LTBP1: variants seen among roughly 807,000 people sequenced by gnomAD.
The protein encoded by LTBP1 is latent transforming growth factor beta binding protein 1, also known as latent-transforming growth factor beta-binding protein 1.
A neutral mutation model predicts 207.6 loss-of-function variants in LTBP1; 129 were observed. The observed-to-expected ratio is 0.62, with a 90% confidence interval of 0.54 to 0.72. The LOEUF is 0.72. LTBP1 is among the 30% of genes least tolerant of loss of function. The probability of loss-of-function intolerance (pLI) is 0.00; values close to 1 mark genes in which losing one functional copy is unlikely to be tolerated. For missense variants in LTBP1, 2,281 were observed against 2,217.2 expected, an observed-to-expected ratio of 1.03 and a Z score of -0.58; for synonymous variants, 963 against 833.7, an observed-to-expected ratio of 1.16 and a Z score of -2.67.
Position 33,103,633 on chromosome 2 carries a change from T to TGTGTGTGTGTGTG in LTBP1, c.864-6949_864-6948insGTGTGTGTGTGTG, listed in dbSNP as rs780868356. 2.9e-3 allele frequency among the ~76,000 whole-genome samples: 354 copies of TGTGTGTGTGTGTG among 123,012 alleles called. 3 individuals are homozygous for TGTGTGTGTGTGTG. The highest frequency in any genetic ancestry group is 3.5e-3 in the Non-Finnish European group (188 of 54,346). The allele number at this position is 123,012 out of a possible 152,430, so 80.7% of individuals were successfully genotyped here. A position where few individuals can be genotyped will look rare whatever the true frequency, so the allele number is the denominator to read the frequency against. On this transcript the variant is annotated intron_variant, in intron 3 of 33. Coordinates refer to ENST00000404816, the MANE Select transcript of LTBP1 (RefSeq NM_206943.4). ...TGTGTGTGTGTGTGTGTGTGAGTGTTATGCTGCCATGTGGCATCTTCCTAA... is the reference window on the plus strand; with the variant it reads ...TGTGTGTGTGTGTGTGTGTGAGTGTTGTGTGTGTGTGTGATGCTGCCATGTGGCATCTTCCTAA...
chr2:33,167,399 C>G (rs2085018378), intron 5 of LTBP1, among the ~76,000 whole-genome samples: 1 of 151,282 alleles, frequency 6.6e-6, no homozygotes, highest in Non-Finnish European at 1.5e-5. Flanking sequence ...TAGGTACCGA[C>G]CATGTATTAA....
At chr2:33,346,677 G>A (rs1256719746) in intron 25 of LTBP1, among the ~76,000 whole-genome samples, 1 of 147,292 alleles carries the variant, frequency 6.8e-6, no homozygotes, top group African/African-American at 2.5e-5. Context: ...AGAATGAGAC[G>A]CCGTCTCAAA....
chr2:32,970,212 G>A (rs1026321905), intron 2 of LTBP1, among the ~76,000 whole-genome samples: 1 of 152,174 alleles, frequency 6.6e-6, no homozygotes, highest in Admixed American at 6.5e-5. Flanking sequence ...CATTCTGTGA[G>A]TTGTCTGTTT....
chr2:33,088,563 CTGTT>C (rs1207040521), intron 3 of LTBP1, among the ~76,000 whole-genome samples: 1 of 152,152 alleles, frequency 6.6e-6, no homozygotes, highest in Non-Finnish European at 1.5e-5. Context: ...GTGTTCCGCT[CTGTT>C]TGGAAATGTA....
At chr2:33,141,871 A>C (rs551205295) in intron 5 of LTBP1, among the ~76,000 whole-genome samples, 16 of 152,260 alleles carry the variant, frequency 1.1e-4, no homozygotes, top group African/African-American at 3.9e-4. Flanking sequence ...TGTATCAGGG[A>C]ATCAAATTAA....
At chr2:33,202,022 A>AACACACACACAGACACACAC (rs1315145413) in intron 7 of LTBP1, among the ~76,000 whole-genome samples, 1,593 of 140,618 alleles carry the variant, frequency 0.011, 57 homozygotes, top group African/African-American at 0.041. Context: ...TTAGCACTGG[A>AACACACACACAGACACACAC]ACACACACAC....
At chr2:33,392,877 CT>C (rs879653997) in intron 32 of LTBP1, among the ~76,000 whole-genome samples, 2,518 of 141,868 alleles carry the variant, frequency 0.018, 33 homozygotes, top group African/African-American at 0.038. Context: ...TGTGGTGTCA[CT>C]TTTTTTTTTT....
intron 4 of LTBP1, among the ~76,000 whole-genome samples, chr2:33,131,725 A>G (rs1184846892): frequency 1.3e-5 from 2 of 152,254 alleles, no homozygotes; most frequent in Non-Finnish European, 2.9e-5. Flanking sequence ...TTATTTTTAT[A>G]TGAAATAAAA....
chr2:33,321,207 C>CT (rs1473063142), intron 24 of LTBP1, among the ~76,000 whole-genome samples: 2 of 152,156 alleles, frequency 1.3e-5, no homozygotes, highest in African/African-American at 4.8e-5. Context: ...AGCCTGAACT[C>CT]TGACTCCCAC....
rs530230073 is a variant in LTBP1 at position 33,138,588 on chromosome 2, A to T, written c.1201+3628A>T. ...TTAACATTTTATAGGGCTAAAATGC[A>T]GATGACCTTCTGGGATTTTTAAATT... On this transcript the variant is annotated intron_variant, in intron 5 of 33. Transcript: ENST00000404816. 2.6e-5 allele frequency among the ~76,000 whole-genome samples: 4 copies of T among 152,300 alleles called. No homozygotes were observed. The South Asian group carries it at 8.3e-4, about 32-fold the overall frequency.
chr2:32,952,758 C>G (rs1677365524), intron 2 of LTBP1, among the ~76,000 whole-genome samples: 1 of 152,062 alleles, frequency 6.6e-6, no homozygotes, highest in Non-Finnish European at 1.5e-5. Context: ...TGCCGGTAGG[C>G]TCAGCTTTAA....
chr2:33,187,138 T>G (rs530376661), intron 6 of LTBP1, 58 bp downstream of exon 6: 6 of 1,490,582 alleles, frequency 4.0e-6, no homozygotes, highest in Admixed American at 1.8e-5. Flanking sequence ...CAAACCCACA[T>G]AGAAGTCAAG....
intron 18 of LTBP1, among the ~76,000 whole-genome samples, chr2:33,277,803 CTCTT>C (rs1439164223): frequency 8.3e-5 from 5 of 59,970 alleles, no homozygotes; most frequent in Non-Finnish European, 1.7e-4. Context: ...CTTTCTCTCT[CTCTT>C]TCTTTTTTTC....
At chr2:33,165,581 T>C (rs1196760993) in intron 5 of LTBP1, among the ~76,000 whole-genome samples, 2 of 152,250 alleles carry the variant, frequency 1.3e-5, no homozygotes, top group Admixed American at 1.3e-4. Context: ...GGTGCAGACC[T>C]ACAACGGAAC....
intron 15 of LTBP1, among the ~76,000 whole-genome samples, chr2:33,266,236 A>G (rs1443937535): frequency 6.6e-6 from 1 of 152,224 alleles, no homozygotes; most frequent in Admixed American, 6.5e-5. Context: ...GAGTGTTGAC[A>G]TGCCAGTCCC....
intron 2 of LTBP1, among the ~76,000 whole-genome samples, chr2:32,998,583 A>G (rs1055534604): frequency 4.6e-5 from 7 of 151,910 alleles, no homozygotes; most frequent in Non-Finnish European, 8.8e-5. Context: ...TGCAAAAAAC[A>G]TATAACTGAA....
chr2:33,330,296 A>G (rs2094478247), intron 24 of LTBP1, among the ~76,000 whole-genome samples: 1 of 151,992 alleles, frequency 6.6e-6, no homozygotes, highest in Admixed American at 6.5e-5. Context: ...CCACATATAC[A>G]ATTATGTTGT....
intron 5 of LTBP1, among the ~76,000 whole-genome samples, chr2:33,163,176 G>T (rs555217210): frequency 1.3e-3 from 196 of 152,222 alleles, no homozygotes; most frequent in African/African-American, 4.6e-3. Flanking sequence ...ACAGGGTTTT[G>T]CCATGTTGCC....
chr2:33,215,354 C>G (rs960496518), intron 7 of LTBP1, among the ~76,000 whole-genome samples: 8 of 152,128 alleles, frequency 5.3e-5, no homozygotes, highest in African/African-American at 1.9e-4. Context: ...CTCTCTAACT[C>G]CTGAGTCACA....
Sources: gnomAD v4.1 joint callset for allele counts (sites outside exome capture counted in the v4.1 genomes callset) on GRCh38, gnomAD v4.1.1 for gene constraint, MANE v1.5 for transcripts, NCBI Gene and HGNC (gene_info 2026-07-23, HGNC 2026-07-21) for gene names.